Variants in SNTG2 observed in about 807,000 individuals in gnomAD.
SNTG2 encodes the protein syntrophin gamma 2, also known as gamma-2-syntrophin.
In SNTG2, 74 loss-of-function variants were observed where a neutral mutation model predicts 70.9. The observed-to-expected ratio is 1.04, with a 90% confidence interval of 0.86 to 1.27. The LOEUF is 1.27. Ranked by LOEUF, SNTG2 falls within the 50% of genes most tolerant of loss-of-function variation. The pLI is 0.00. For synonymous variants in SNTG2, 278 were observed against 273.8 expected (o/e 1.02, Z -0.15); for missense variants, 717 against 690.7 (o/e 1.04, Z -0.43).
chr2:1,166,883 G>A (rs1221488926), intron 7 of SNTG2, among the ~76,000 whole-genome samples: 1 of 152,200 alleles, frequency 6.6e-6, no homozygotes, highest in Non-Finnish European at 1.5e-5. Flanking sequence ...TCGACTGGCA[G>A]AATGATGTGG....
chr2:996,673 G>GTTTTTTTTTTT, intron 1 of SNTG2, among the ~76,000 whole-genome samples: 545 of 35,092 alleles, frequency 0.016, 114 homozygotes, highest in Non-Finnish European at 0.02. Flanking sequence ...GAGTTACCCA[G>GTTTTTTTTTTT]TTTTTTTTTT....
At chr2:1,312,752 G>A (rs1410374738) in intron 15 of SNTG2, among the ~76,000 whole-genome samples, 1 of 152,210 alleles carries the variant, frequency 6.6e-6, no homozygotes, top group African/African-American at 2.4e-5. Context: ...TCTCACAAGA[G>A]TGTCCTGGTG....
chr2:1,154,440 T>A (rs1669722077), intron 6 of SNTG2, among the ~76,000 whole-genome samples: 2 of 152,172 alleles, frequency 1.3e-5, no homozygotes, highest in Admixed American at 6.5e-5. Context: ...GTTAACAATT[T>A]ATAAAATAGA....
intron 14 of SNTG2, among the ~76,000 whole-genome samples, chr2:1,274,486 A>G (rs1358026274): frequency 6.6e-6 from 1 of 152,190 alleles, no homozygotes; most frequent in African/African-American, 2.4e-5. Flanking sequence ...TTCCAGAGCA[A>G]TAGTTTAATT....
intron 6 of SNTG2, among the ~76,000 whole-genome samples, chr2:1,139,307 C>A (rs770846343): frequency 6.6e-6 from 1 of 152,102 alleles, no homozygotes; most frequent in Non-Finnish European, 1.5e-5. Flanking sequence ...CTCGGCTCAC[C>A]GTAACCTCCG....
At chr2:1,085,194 A>G (rs1664603765) in intron 2 of SNTG2, among the ~76,000 whole-genome samples, 1 of 152,222 alleles carries the variant, frequency 6.6e-6, no homozygotes, top group South Asian at 2.1e-4. Flanking sequence ...TTGAGCAAAG[A>G]AAAAAATCAA....
chr2:1,145,772 A>G (rs1669062552), intron 6 of SNTG2, among the ~76,000 whole-genome samples: 1 of 152,232 alleles, frequency 6.6e-6, no homozygotes, highest in South Asian at 2.1e-4. Context: ...ATAGACCAAT[A>G]TGTCTCATGA....
In SNTG2 at chr2:1,367,433, G is replaced by C. The variant is rs1661549917; in HGVS notation, c.1579G>C (p.Asp527His). The C allele has an allele frequency of 5.8e-6, 9 of 1,551,708 alleles. No homozygotes were observed. Among genetic ancestry groups the C allele is most frequent in the Non-Finnish European group, 7.8e-6 (9 of 1,147,008 alleles). ...GGCCTCCGTGGACCCCGGCTTCATG[G>C]ACAGTCAGAGTCTTGCCAGAAAATA... ...KVASVDPGFM[D>H]SQSLARKYMY... Residue 527 changes from aspartate (D) to histidine (H), a missense_variant, in exon 17 of 17, where the codon GAC (aspartate) becomes CAC (histidine). By Grantham distance (81) the Asp-to-His change is moderately conservative. Coordinates refer to ENST00000308624, the MANE Select transcript of SNTG2 (RefSeq NM_018968.4).
At chr2:1,102,391 C>T (rs557533420) in intron 4 of SNTG2, among the ~76,000 whole-genome samples, 105 of 152,210 alleles carry the variant, frequency 6.9e-4, no homozygotes, top group South Asian at 1.9e-3. Context: ...GGCTGCCGTG[C>T]CCTGCCCTTC....
intron 8 of SNTG2, among the ~76,000 whole-genome samples, chr2:1,190,855 C>T (rs1272209883): frequency 6.6e-6 from 1 of 152,092 alleles, no homozygotes; most frequent in Non-Finnish European, 1.5e-5. Context: ...TGGGAATACT[C>T]ATTCATAGAG....
intron 1 of SNTG2, among the ~76,000 whole-genome samples, chr2:999,309 A>G (rs979854707): frequency 1.3e-5 from 2 of 152,086 alleles, no homozygotes. Flanking sequence ...TTGAACATAA[A>G]TGGATGACAT....
At chr2:1,062,032 A>T (rs1188627035) in intron 1 of SNTG2, among the ~76,000 whole-genome samples, 2 of 152,242 alleles carry the variant, frequency 1.3e-5, no homozygotes, top group African/African-American at 4.8e-5. Context: ...GGCCTTTCAC[A>T]GAAGTAATAT....
intron 16 of SNTG2, among the ~76,000 whole-genome samples, chr2:1,352,911 T>C (rs1443775353): frequency 6.6e-6 from 1 of 152,142 alleles, no homozygotes; most frequent in Non-Finnish European, 1.5e-5. Flanking sequence ...TGCTGGGTAT[T>C]GATGTTGTAC....
At chr2:1,098,513 C>T (rs1665547788) in intron 4 of SNTG2, 103 bp downstream of exon 4, 2 of 1,198,816 alleles carry the variant, frequency 1.7e-6, no homozygotes, top group East Asian at 2.4e-5. Context: ...TGCTCGATTA[C>T]CTAAACTTCC....
chr2:1,027,578 C>T (rs1461337670), intron 1 of SNTG2, among the ~76,000 whole-genome samples: 1 of 148,044 alleles, frequency 6.8e-6, no homozygotes. Flanking sequence ...TAAGCAGGTG[C>T]ATCACTGAAG....
At chr2:1,215,559 CTT>C (rs201938266) in intron 9 of SNTG2, among the ~76,000 whole-genome samples, 3 of 132,570 alleles carry the variant, frequency 2.3e-5, no homozygotes, top group African/African-American at 5.9e-5. Context: ...TCTTTTTTTT[CTT>C]TTTTTTATTA....
chr2:1,109,816 C>T (rs1305454604), intron 4 of SNTG2, among the ~76,000 whole-genome samples: 5 of 152,130 alleles, frequency 3.3e-5, no homozygotes, highest in South Asian at 2.1e-4. Flanking sequence ...TGTGTATATT[C>T]GGGAGACAAA....
intron 14 of SNTG2, among the ~76,000 whole-genome samples, chr2:1,283,342 C>T (rs1287352150): frequency 6.6e-6 from 1 of 152,186 alleles, no homozygotes; most frequent in East Asian, 1.9e-4. Flanking sequence ...GGTGCCCACC[C>T]CTTTGCCTCC....
chr2:1,019,982 G>T (rs917621890), intron 1 of SNTG2, among the ~76,000 whole-genome samples: 26 of 152,198 alleles, frequency 1.7e-4, no homozygotes, highest in Admixed American at 1.6e-3. Context: ...GGCAGAGGTT[G>T]CAGTGAGCTG....
Sources: gnomAD v4.1 joint callset for allele counts (sites outside exome capture counted in the v4.1 genomes callset) on GRCh38, gnomAD v4.1.1 for gene constraint, MANE v1.5 for transcripts, NCBI Gene and HGNC (gene_info 2026-07-23, HGNC 2026-07-21) for gene names.